Variants in NEDD4 observed in about 807,000 individuals in gnomAD.
The protein encoded by NEDD4 is E3 ubiquitin-protein ligase NEDD4.
In NEDD4, 99 loss-of-function variants were observed where a neutral mutation model predicts 144.9. That is an observed-to-expected ratio of 0.68 (90% CI 0.58 to 0.81). NEDD4 has a LOEUF of 0.81. Ranked by LOEUF, NEDD4 falls within the 30% of genes least tolerant of loss-of-function variation. The pLI is 0.00. For missense variants in NEDD4, 985 were observed against 1,065.9 expected (o/e 0.92, Z 1.06); for synonymous variants, 318 against 350.6 (o/e 0.91, Z 1.04).
At chr15:55,834,419 C>T in intron 24 of NEDD4, 133 bp from the exon 25 acceptor site, 3 of 623,094 alleles carry the variant, frequency 4.8e-6, no homozygotes, top group Non-Finnish European at 8.5e-6. Flanking sequence ...GGGCTCTTCA[C>T]TGAGATCTCA....
At chr15:55,971,455 T>C (rs1306386626) in intron 1 of NEDD4, among the ~76,000 whole-genome samples, 1 of 151,716 alleles carries the variant, frequency 6.6e-6, no homozygotes, top group Non-Finnish European at 1.5e-5. Flanking sequence ...TTAAACCCCG[T>C]CTCCACTAAA....
intron 1 of NEDD4, among the ~76,000 whole-genome samples, chr15:55,978,713 T>C (rs1315907634): frequency 6.6e-6 from 1 of 152,206 alleles, no homozygotes; most frequent in African/African-American, 2.4e-5. Context: ...GAGAGCTTTA[T>C]TGTTTTTTGA....
At chr15:55,923,476 T>C (rs1260596111) in intron 5 of NEDD4, among the ~76,000 whole-genome samples, 2 of 151,682 alleles carry the variant, frequency 1.3e-5, no homozygotes, top group African/African-American at 2.4e-5. Flanking sequence ...TGAAACCCCA[T>C]CTCTACTAAA....
At chr15:55,938,524 G>A (rs140511198) in intron 4 of NEDD4, among the ~76,000 whole-genome samples, 87 of 152,176 alleles carry the variant, frequency 5.7e-4, no homozygotes, top group Non-Finnish European at 1.2e-3. Context: ...AAACAGAGAA[G>A]AAGCTTCTTG....
intron 1 of NEDD4, 66 bp from the exon 2 acceptor site, chr15:55,966,612 A>T (rs895927047): frequency 5.8e-6 from 4 of 685,800 alleles, no homozygotes; most frequent in African/African-American, 3.7e-5. Context: ...CAATTTTTTA[A>T]AAAATATATA....
intron 8 of NEDD4, among the ~76,000 whole-genome samples, chr15:55,866,325 G>C (rs1296248151): frequency 2.1e-5 from 3 of 145,222 alleles, no homozygotes; most frequent in African/African-American, 7.7e-5. Context: ...CTCTTACTTT[G>C]TCTGCCCATC....
At chr15:55,985,733 T>C (rs2037879260) in intron 1 of NEDD4, among the ~76,000 whole-genome samples, 1 of 148,198 alleles carries the variant, frequency 6.7e-6, no homozygotes, top group Non-Finnish European at 1.5e-5. Context: ...TCTTTGTGTA[T>C]ACTTATATAT....
At chr15:55,842,949 AC>A (rs2033580178) in intron 18 of NEDD4, among the ~76,000 whole-genome samples, 2 of 152,058 alleles carry the variant, frequency 1.3e-5, no homozygotes, top group Admixed American at 1.3e-4. Context: ...TTGAATTGTA[AC>A]TCCCACAATC....
At position 55,834,263 on chromosome 15, in the gene NEDD4, C is replaced by A; in HGVS notation, c.2286G>T (p.Gln762His). ...TTTCATCAAAAATTTTGATGAGATCCTGTGGTATTAGTTCAAAGAATCCCT... is the reference window on the plus strand; with the variant it reads ...TTTCATCAAAAATTTTGATGAGATCATGTGGTATTAGTTCAAAGAATCCCT... ...FKEGFFELIPQDLIKIFDENE... is the reference protein window; with the variant it reads ...FKEGFFELIPHDLIKIFDENE... The change falls in exon 25 of 29, where the codon CAG becomes CAT. Residue 762 changes from glutamine (Q) to histidine (H), a missense_variant. Coordinates refer to ENST00000435532, the MANE Select transcript of NEDD4 (RefSeq NM_006154.4). 6.2e-7 allele frequency: 1 copy of A among 1,608,422 alleles called. No homozygotes were observed.
intron 4 of NEDD4, among the ~76,000 whole-genome samples, chr15:55,941,543 C>G (rs2037004337): frequency 6.6e-6 from 1 of 151,492 alleles, no homozygotes; most frequent in Non-Finnish European, 1.5e-5. Flanking sequence ...CTGCTGTGAT[C>G]AGAGAACATA....
At chr15:55,958,078 C>G (rs2037367320) in intron 2 of NEDD4, among the ~76,000 whole-genome samples, 1 of 152,072 alleles carries the variant, frequency 6.6e-6, no homozygotes, top group Non-Finnish European at 1.5e-5. Flanking sequence ...TGTAACAAAC[C>G]TGCACATTGT....
At chr15:55,969,602 G>C (rs745785188) in intron 1 of NEDD4, among the ~76,000 whole-genome samples, 1 of 152,076 alleles carries the variant, frequency 6.6e-6, no homozygotes, top group Admixed American at 6.5e-5. Context: ...AGCAACCAGA[G>C]TCCTGAAGCC....
chr15:55,896,829 G>A (rs1595812450), intron 5 of NEDD4, among the ~76,000 whole-genome samples: 1 of 151,948 alleles, frequency 6.6e-6, no homozygotes, highest in East Asian at 1.9e-4. Flanking sequence ...CTTTGTTATA[G>A]CCCAATGTGC....
At chr15:55,844,356 G>A (rs1447967611) in intron 18 of NEDD4, among the ~76,000 whole-genome samples, 2 of 151,954 alleles carry the variant, frequency 1.3e-5, no homozygotes, top group Non-Finnish European at 2.9e-5. Flanking sequence ...GGTGTAAAGG[G>A]TGGTTTTAAA....
At chr15:55,888,211 G>A (rs2035455353) in intron 5 of NEDD4, among the ~76,000 whole-genome samples, 1 of 152,102 alleles carries the variant, frequency 6.6e-6, no homozygotes, top group Non-Finnish European at 1.5e-5. Context: ...GTTTGTAGAT[G>A]ATATGATCTT....
intron 1 of NEDD4, among the ~76,000 whole-genome samples, chr15:55,985,600 G>C (rs1039059223): frequency 6.6e-6 from 1 of 152,160 alleles, no homozygotes; most frequent in African/African-American, 2.4e-5. Context: ...TTTTTTCACT[G>C]TTAGAAAAGG....
chr15:55,904,233 A>T (rs575810756), intron 5 of NEDD4, among the ~76,000 whole-genome samples: 1 of 152,256 alleles, frequency 6.6e-6, no homozygotes, highest in African/African-American at 2.4e-5. Context: ...GACAGTGAAC[A>T]TCCAATATTA....
At chr15:55,854,013 A>G (rs944070995) in intron 12 of NEDD4, among the ~76,000 whole-genome samples, 1 of 152,016 alleles carries the variant, frequency 6.6e-6, no homozygotes, top group African/African-American at 2.4e-5. Flanking sequence ...TTAGCTGGGC[A>G]TGGTGGTGCA....
intron 5 of NEDD4, among the ~76,000 whole-genome samples, chr15:55,900,596 A>C (rs1356594238): frequency 6.6e-6 from 1 of 152,190 alleles, no homozygotes; most frequent in Admixed American, 6.5e-5. Flanking sequence ...CTAAGAGCCA[A>C]ATACATAATT....
Sources: allele counts gnomAD v4.1 joint callset (sites outside exome capture counted in the v4.1 genomes callset), GRCh38; gene constraint gnomAD v4.1.1; transcripts MANE v1.5; gene names NCBI Gene and HGNC (gene_info 2026-07-23, HGNC 2026-07-21).